MYCBP2: variants seen among roughly 807,000 people sequenced by gnomAD.
MYCBP2 encodes MYC binding protein 2.
MYCBP2 carries 120 observed loss-of-function variants against 525.3 expected under a neutral mutation model. The observed-to-expected ratio is 0.23, with a 90% CI of 0.20 to 0.27. MYCBP2 has a LOEUF of 0.27. Among genes scored for constraint, MYCBP2 ranks in the 10% least tolerant of loss-of-function variants. The pLI, the probability that MYCBP2 is intolerant of heterozygous loss-of-function variation, is 1.00. For missense variants in MYCBP2, 4,149 were observed against 5,657.1 expected (o/e 0.73, Z 8.55); for synonymous variants, 1,894 against 1,955.8 (o/e 0.97, Z 0.83).
At chr13:77,202,281 G>C (rs1405262798) in intron 26 of MYCBP2, among the ~76,000 whole-genome samples, 1 of 152,174 alleles carries the variant, frequency 6.6e-6, no homozygotes, top group Admixed American at 6.5e-5. Context: ...AAATAAACTA[G>C]AAAATCTAGA....
chr13:77,115,509 T>C (rs919525843), intron 55 of MYCBP2, among the ~76,000 whole-genome samples: 6 of 151,876 alleles, frequency 4.0e-5, no homozygotes, highest in Non-Finnish European at 8.8e-5. Flanking sequence ...AGAATAACAC[T>C]TGAAATAATT....
chr13:77,089,056 A>G (rs1435566063), intron 60 of MYCBP2, 25 bp from the exon 61 acceptor site: 13 of 1,541,264 alleles, frequency 8.4e-6, no homozygotes, highest in African/African-American at 2.8e-5. Context: ...GAAAATTATT[A>G]ATTTTCATAG....
At chr13:77,147,792 T>C (rs138539424) in intron 47 of MYCBP2, among the ~76,000 whole-genome samples, 1 of 152,220 alleles carries the variant, frequency 6.6e-6, no homozygotes, top group Admixed American at 6.5e-5. Flanking sequence ...GAAGAGACCA[T>C]ATTTCATCTT....
At chr13:77,261,133 T>C in intron 12 of MYCBP2, 38 bp downstream of exon 12, 1 of 1,522,376 alleles carries the variant, frequency 6.6e-7, no homozygotes, top group Non-Finnish European at 9.0e-7. Context: ...AATAAAGCAT[T>C]TATTTTTATT....
In MYCBP2 at chr13:77,212,070, T is replaced by G; in HGVS notation, c.3148A>C (p.Lys1050Gln). The change falls in exon 22 of 83, where the codon AAA becomes CAA. Residue 1050 changes from lysine to glutamine, a missense_variant. This residue lies in a region of MYCBP2 where 620 missense variants were observed against 795.5 expected (regional missense o/e 0.78). Transcript: ENST00000544440. Reference sequence around the variant, plus strand: ...CCACTTGCACCTATCCAAGTAGCTTTTCTTCCATATTTTGATCCAATGTTA... The same window carrying G: ...CCACTTGCACCTATCCAAGTAGCTTGTCTTCCATATTTTGATCCAATGTTA... ...MPNIGSKYGRKATWIGASGDQ... is the reference protein window; with the variant it reads ...MPNIGSKYGRQATWIGASGDQ... 1.2e-6 allele frequency: 2 copies of G among 1,614,120 alleles called. No homozygotes were observed. Among genetic ancestry groups the G allele is most frequent in the South Asian group, 2.2e-5 (2 of 91,078 alleles).
chr13:77,066,986 T>C (rs1162324723), intron 71 of MYCBP2, among the ~76,000 whole-genome samples: 1 of 152,146 alleles, frequency 6.6e-6, no homozygotes, highest in Non-Finnish European at 1.5e-5. Context: ...TAACAAGTCA[T>C]TGTCTATTAT....
At chr13:77,112,451 T>C (rs974645977) in intron 55 of MYCBP2, among the ~76,000 whole-genome samples, 4 of 150,336 alleles carry the variant, frequency 2.7e-5, no homozygotes, top group Non-Finnish European at 5.9e-5. Context: ...AGAGACAAGG[T>C]CTCACTCTGT....
intron 32 of MYCBP2, among the ~76,000 whole-genome samples, chr13:77,182,354 TAAG>T (rs1456614307): frequency 6.6e-6 from 1 of 152,204 alleles, no homozygotes; most frequent in Admixed American, 6.5e-5. Context: ...CACATTTCAC[TAAG>T]GTCACAAAAT....
At chr13:77,213,732 A>C (rs2064373751) in intron 21 of MYCBP2, among the ~76,000 whole-genome samples, 1 of 152,214 alleles carries the variant, frequency 6.6e-6, no homozygotes, top group African/African-American at 2.4e-5. Context: ...GACTGCTGGG[A>C]CTGGAGGACA....
chr13:77,061,360 G>A (rs1351253419), intron 75 of MYCBP2, 59 bp from the exon 76 acceptor site: 13 of 1,383,406 alleles, frequency 9.4e-6, no homozygotes, highest in Non-Finnish European at 1.3e-5. Flanking sequence ...GAAAGGGAGA[G>A]TATAAAATTT....
chr13:77,221,152 A>G (rs1157416090), intron 20 of MYCBP2, among the ~76,000 whole-genome samples: 2 of 122,096 alleles, frequency 1.6e-5, no homozygotes, highest in African/African-American at 6.1e-5. Context: ...CCAATGTTTA[A>G]TCTTCATAAG....
intron 69 of MYCBP2, among the ~76,000 whole-genome samples, chr13:77,069,346 G>T (rs957157022): frequency 1.3e-5 from 2 of 152,188 alleles, no homozygotes; most frequent in Non-Finnish European, 2.9e-5. Flanking sequence ...AATAGGGCTG[G>T]GTGCCGTGGC....
chr13:77,204,622 A>G (rs1444748757), intron 26 of MYCBP2, among the ~76,000 whole-genome samples: 1 of 128,350 alleles, frequency 7.8e-6, no homozygotes, highest in African/African-American at 2.9e-5. Context: ...GGCATTATTC[A>G]CAATAGCAAA....
rs76454430 is a variant in MYCBP2, at chr13:77,166,562, C to T, written c.6115-8G>A. 1.7e-3 allele frequency: 2,762 copies of T among 1,600,096 alleles called. 41 individuals are homozygous for T. In the African/African-American group the frequency reaches 0.031, roughly 18 times the overall value. ...ACATTCTGGGAATGTCACCTGAGGT[C>T]AACAGGCAAAGTGACATGAATACAG... On this transcript the variant is annotated splice_region_variant and splice_polypyrimidine_tract_variant and intron_variant, in intron 40 of 82. Coordinates refer to ENST00000544440, the MANE Select transcript of MYCBP2 (RefSeq NM_015057.5).
intron 15 of MYCBP2, among the ~76,000 whole-genome samples, chr13:77,250,734 A>C (rs2071057550): frequency 6.6e-6 from 1 of 152,240 alleles, no homozygotes; most frequent in South Asian, 2.1e-4. Context: ...CATTTAATTT[A>C]AAACAAAACT....
At chr13:77,168,059 A>T (rs1467076296) in intron 40 of MYCBP2, among the ~76,000 whole-genome samples, 1 of 152,150 alleles carries the variant, frequency 6.6e-6, no homozygotes, top group Non-Finnish European at 1.5e-5. Context: ...TGGGGTTGTA[A>T]ATTTTCAGAG....
chr13:77,326,389 G>A lies in MYCBP2; in HGVS notation c.302+85C>T. 6.8e-6 allele frequency: 9 copies of A among 1,326,162 alleles called. No individual in the cohort carries two copies. The highest frequency in any genetic ancestry group is 8.1e-6 in the Non-Finnish European group (8 of 991,352). The allele number at this position is 1,326,162 out of a possible 1,614,324, so 82.1% of individuals were successfully genotyped here. On this transcript the variant is annotated intron_variant, in intron 1 of 82. Coordinates refer to ENST00000544440, the MANE Select transcript of MYCBP2 (RefSeq NM_015057.5). This position sits in a 1 kb window ranked among gnomAD's most constrained non-coding sequence, Gnocchi z 4.2. ...TAAATGCGCAGGTACACACACGCAAGCACACACACACGCGGGTGCACGCGC... is the reference window on the plus strand; with the variant it reads ...TAAATGCGCAGGTACACACACGCAAACACACACACACGCGGGTGCACGCGC...
intron 1 of MYCBP2, among the ~76,000 whole-genome samples, chr13:77,297,005 T>C (rs1027277745): frequency 5.3e-5 from 8 of 152,274 alleles, no homozygotes; most frequent in East Asian, 3.9e-4. Context: ...CAAATGTCAG[T>C]GATGTTTCCA....
chr13:77,141,405 TTTC>T (rs1462987200), intron 49 of MYCBP2, among the ~76,000 whole-genome samples: 8 of 152,144 alleles, frequency 5.3e-5, no homozygotes, highest in Non-Finnish European at 1.2e-4. Context: ...TGTGCCTCAA[TTTC>T]TTCATCTATA....
Sources: gnomAD v4.1 joint callset for allele counts (sites outside exome capture counted in the v4.1 genomes callset) on GRCh38, gnomAD v4.1.1 for gene constraint, gnomAD v4.1.1 regional missense constraint, Gnocchi (gnomAD v3.1) non-coding constraint, MANE v1.5 for transcripts, NCBI Gene and HGNC (gene_info 2026-07-23, HGNC 2026-07-21) for gene names.